The following COL14A1 variants were observed in gnomAD, a reference collection of about 807,000 sequenced individuals.
The protein encoded by COL14A1 is collagen alpha-1(XIV) chain.
A neutral mutation model predicts 230.3 loss-of-function variants in COL14A1; 136 were observed. The observed-to-expected ratio is 0.59, with a 90% confidence interval of 0.51 to 0.68. COL14A1 has a LOEUF of 0.68. COL14A1 is among the 30% of genes least tolerant of loss of function. COL14A1 has a pLI of 0.00. For missense variants in COL14A1, 1,976 were observed against 2,215.8 expected (o/e 0.89, Z 2.17); for synonymous variants, 792 against 784.1 (o/e 1.01, Z -0.17).
chr8:120,124,858 G>C (rs935058019), upstream of COL14A1, among the ~76,000 whole-genome samples: 10 of 152,166 alleles, frequency 6.6e-5, 1 homozygote, highest in Admixed American at 1.3e-4. Flanking sequence ...AAAGAGCCTG[G>C]CTCGCTCTCG....
At chr8:120,350,761 G>C (rs1822722987) in intron 45 of COL14A1, among the ~76,000 whole-genome samples, 1 of 147,734 alleles carries the variant, frequency 6.8e-6, no homozygotes, top group South Asian at 2.2e-4. Flanking sequence ...CCTACAAAGA[G>C]ACTTAGACTC....
chr8:120,326,084 T>C (rs1224985264), intron 40 of COL14A1, among the ~76,000 whole-genome samples: 2 of 152,222 alleles, frequency 1.3e-5, no homozygotes. Flanking sequence ...CTGCTCACCC[T>C]GAAATGAAGA....
chr8:120,304,933 G>T (rs1820813455), intron 36 of COL14A1, among the ~76,000 whole-genome samples: 1 of 151,794 alleles, frequency 6.6e-6, no homozygotes, highest in Admixed American at 6.6e-5. Flanking sequence ...AGAAGCAGTG[G>T]AAATGAATAT....
At chr8:120,324,481 C>CT (rs1381407992) in intron 40 of COL14A1, among the ~76,000 whole-genome samples, 1 of 152,128 alleles carries the variant, frequency 6.6e-6, no homozygotes, top group Admixed American at 6.6e-5. Context: ...TGGTCTTAAT[C>CT]TTTTGCTGCA....
chr8:120,177,354 A>T (rs1267033765), intron 5 of COL14A1, among the ~76,000 whole-genome samples: 1 of 152,160 alleles, frequency 6.6e-6, no homozygotes, highest in Non-Finnish European at 1.5e-5. Context: ...TTACATAAAG[A>T]CTATATAGTA....
chr8:120,148,072 C>T, intron 2 of COL14A1, 142 bp downstream of exon 2: 1 of 560,510 alleles, frequency 1.8e-6, no homozygotes, highest in Non-Finnish European at 3.1e-6. Flanking sequence ...ATATACACAT[C>T]TTTGATGAGG....
chr8:120,343,809 A>C (rs1321494486), intron 44 of COL14A1, among the ~76,000 whole-genome samples: 1 of 152,196 alleles, frequency 6.6e-6, no homozygotes, highest in Non-Finnish European at 1.5e-5. Flanking sequence ...AATAACCTGT[A>C]TCTTGAATTG....
At chr8:120,200,961 C>T (rs753094648) in intron 8 of COL14A1, among the ~76,000 whole-genome samples, 4 of 151,236 alleles carry the variant, frequency 2.6e-5, no homozygotes, top group Non-Finnish European at 5.9e-5. Context: ...TTCACTTTTT[C>T]ATCCTGATCA....
chr8:120,314,244 G>C (rs1165756492), intron 38 of COL14A1, among the ~76,000 whole-genome samples: 1 of 152,098 alleles, frequency 6.6e-6, no homozygotes, highest in Non-Finnish European at 1.5e-5. Flanking sequence ...ATTGGAGGTA[G>C]GTCCATCCGC....
intron 1 of COL14A1, among the ~76,000 whole-genome samples, chr8:120,127,097 C>G (rs1003069733): frequency 6.6e-6 from 1 of 152,216 alleles, no homozygotes; most frequent in Non-Finnish European, 1.5e-5. Flanking sequence ...CCATTTCTCC[C>G]TAACCTGCCG....
intron 35 of COL14A1, among the ~76,000 whole-genome samples, chr8:120,298,638 T>TACACAC (rs1554620763): frequency 8.4e-6 from 1 of 118,920 alleles, no homozygotes; most frequent in African/African-American, 3.2e-5. Flanking sequence ...TATATATATA[T>TACACAC]ACAAAAATAC....
chr8:120,147,052 C>A (rs1427533621), intron 1 of COL14A1, among the ~76,000 whole-genome samples: 1 of 151,832 alleles, frequency 6.6e-6, no homozygotes, highest in Non-Finnish European at 1.5e-5. Context: ...CTTTCCCTTT[C>A]TTTCCCTTCT....
Position 120,371,157 on chromosome 8 carries a change from C to T in COL14A1, c.5317C>T (p.His1773Tyr), listed in dbSNP as rs778171156. The T allele has an allele frequency of 6.2e-7, 1 of 1,609,218 alleles. No homozygotes were observed. Among genetic ancestry groups the T allele is most frequent in the Non-Finnish European group, 8.5e-7 (1 of 1,178,064 alleles). ...SCSAYGVRAP[H>Y]PDQPEFTPVQ... is the part of the protein sequence containing the mutation. ...CCCCCACTTTTCCTCTTTAGCTCCCCATCCAGATCAGCCAGAGTTCACCCC... is the reference window on the plus strand; with the variant it reads ...CCCCCACTTTTCCTCTTTAGCTCCCTATCCAGATCAGCCAGAGTTCACCCC... The change falls in exon 48 of 48, where the codon CAT (histidine) becomes TAT (tyrosine). Residue 1773 changes from histidine to tyrosine, a missense_variant. Coordinates refer to ENST00000297848, the MANE Select transcript of COL14A1 (RefSeq NM_021110.4).
At chr8:120,213,321 A>G (rs1468403453) in intron 13 of COL14A1, among the ~76,000 whole-genome samples, 1 of 152,170 alleles carries the variant, frequency 6.6e-6, no homozygotes, top group Non-Finnish European at 1.5e-5. Flanking sequence ...GATCTTTTGA[A>G]ACATAAGAAA....
At chr8:120,206,530 G>A (rs1342553973) in intron 9 of COL14A1, among the ~76,000 whole-genome samples, 2 of 152,146 alleles carry the variant, frequency 1.3e-5, no homozygotes, top group Non-Finnish European at 2.9e-5. Context: ...TGTATTTGTA[G>A]TAGAGACGGG....
intron 42 of COL14A1, among the ~76,000 whole-genome samples, chr8:120,336,300 T>A (rs1389915614): frequency 6.6e-6 from 1 of 152,126 alleles, no homozygotes; most frequent in African/African-American, 2.4e-5. Context: ...TCAGGAGCAT[T>A]TAGATGAGAT....
At chr8:120,226,323 A>C (rs1180021137) in intron 15 of COL14A1, among the ~76,000 whole-genome samples, 1 of 152,098 alleles carries the variant, frequency 6.6e-6, no homozygotes, top group East Asian at 1.9e-4. Flanking sequence ...AAAAATGAAT[A>C]TGGCACTCTT....
intron 45 of COL14A1, among the ~76,000 whole-genome samples, chr8:120,349,046 C>G (rs563038127): frequency 3.3e-5 from 5 of 152,092 alleles, no homozygotes; most frequent in East Asian, 1.9e-4. Flanking sequence ...ATCTGAGAAC[C>G]GGCAGACTGC....
Position 120,355,240 on chromosome 8 carries a change from T to C in COL14A1, c.5077+9677T>C, listed in dbSNP as rs559520280. Among the ~76,000 whole-genome samples, 9 of 152,334 alleles carry C rather than the reference T, an allele frequency of 5.9e-5. No individual in the cohort carries two copies. In the South Asian group the frequency reaches 1.5e-3, roughly 25 times the overall value. The stretch of plus-strand genomic sequence containing the variant: ...CTCTGTGCATATCATTCCCAGATGA[T>C]TCATCTGTTTTTGTTTACTCAATTT... On this transcript the variant is annotated intron_variant, in intron 45 of 47. Coordinates refer to ENST00000297848, the MANE Select transcript of COL14A1 (RefSeq NM_021110.4).
Sources: allele counts gnomAD v4.1 joint callset (sites outside exome capture counted in the v4.1 genomes callset), GRCh38; gene constraint gnomAD v4.1.1; transcripts MANE v1.5; gene names NCBI Gene and HGNC (gene_info 2026-07-23, HGNC 2026-07-21).